Variants in KCND2 observed in about 807,000 individuals in gnomAD.
KCND2 encodes potassium voltage-gated channel subfamily D member 2, also known as A-type voltage-gated potassium channel KCND2.
In KCND2, 16 loss-of-function variants were observed where a neutral mutation model predicts 54.4. The observed-to-expected ratio is 0.29, with a 90% CI of 0.20 to 0.45. KCND2 has a LOEUF of 0.45. Ranked by LOEUF, KCND2 falls within the 20% of genes least tolerant of loss-of-function variation. The probability of loss-of-function intolerance (pLI) is 1.00; values close to 1 mark genes in which losing one functional copy is unlikely to be tolerated. For missense variants in KCND2, 486 were observed against 824.2 expected (o/e 0.59, Z 5.02); for synonymous variants, 317 against 310.7 (o/e 1.02, Z -0.21).
intron 1 of KCND2, among the ~76,000 whole-genome samples, chr7:120,370,279 A>C (rs1470316233): frequency 6.6e-6 from 1 of 152,006 alleles, no homozygotes; most frequent in African/African-American, 2.4e-5. Flanking sequence ...AGGAAATCAG[A>C]AAGGGACAGG....
intron 1 of KCND2, chr7:120,464,017 GTTTTT>G: frequency 1.3e-6 from 1 of 788,728 alleles, no homozygotes; most frequent in African/African-American, 1.9e-5. Context: ...TCTTAGTTTT[GTTTTT>G]TTTTTTTTTT....
At position 120,527,792 on chromosome 7, in the gene KCND2, T is replaced by C. The variant is rs557647369; in HGVS notation, c.1116-205111T>C. 3.3e-5 allele frequency among the ~76,000 whole-genome samples: 5 copies of C among 152,276 alleles called. No individual in the cohort carries two copies. The South Asian group carries it at 1.0e-3, about 32-fold the overall frequency. Reference sequence around the variant, plus strand: ...CCTCCTCACTCTTCCCAAATTCCTCTTCAATTCTATTTCCCTACATATAGG... The same window carrying C: ...CCTCCTCACTCTTCCCAAATTCCTCCTCAATTCTATTTCCCTACATATAGG... On this transcript the variant is annotated intron_variant, in intron 1 of 5. Transcript: ENST00000331113.
chr7:120,734,018 A>G (rs1448834447), intron 2 of KCND2, among the ~76,000 whole-genome samples: 1 of 152,140 alleles, frequency 6.6e-6, no homozygotes, highest in Non-Finnish European at 1.5e-5. Context: ...AGCAAAGAAC[A>G]ACTCATGAAT....
intron 1 of KCND2, among the ~76,000 whole-genome samples, chr7:120,472,757 A>G (rs1256208256): frequency 6.6e-6 from 1 of 152,198 alleles, no homozygotes; most frequent in Non-Finnish European, 1.5e-5. Context: ...AATGGTATGA[A>G]CAATGGCAGA....
At chr7:120,343,511 A>G (rs1432101222) in intron 1 of KCND2, among the ~76,000 whole-genome samples, 2 of 152,198 alleles carry the variant, frequency 1.3e-5, no homozygotes, top group Non-Finnish European at 2.9e-5. Context: ...AATCTGTAGT[A>G]TATTCCAACA....
intron 1 of KCND2, among the ~76,000 whole-genome samples, chr7:120,426,746 T>C (rs901051497): frequency 1.3e-5 from 2 of 151,872 alleles, no homozygotes; most frequent in Admixed American, 6.6e-5. Context: ...CTCAGCCTCC[T>C]GAGTAGCTGG....
At chr7:120,509,016 T>C (rs1386288869) in intron 1 of KCND2, among the ~76,000 whole-genome samples, 1 of 151,872 alleles carries the variant, frequency 6.6e-6, no homozygotes, top group African/African-American at 2.4e-5. Context: ...TATTTGTGAA[T>C]ATGCAAGTAA....
intron 1 of KCND2, among the ~76,000 whole-genome samples, chr7:120,686,115 C>G (rs1792198055): frequency 6.6e-6 from 1 of 152,138 alleles, no homozygotes. Flanking sequence ...GTGTTTCTGG[C>G]ACCCCACATA....
intron 1 of KCND2, among the ~76,000 whole-genome samples, chr7:120,496,994 A>T (rs558899045): frequency 6.6e-6 from 1 of 152,328 alleles, no homozygotes; most frequent in South Asian, 2.1e-4. Context: ...GATTATGATA[A>T]TGGCATTTGA....
intron 1 of KCND2, among the ~76,000 whole-genome samples, chr7:120,699,468 A>G (rs1276715191): frequency 6.6e-6 from 1 of 152,222 alleles, no homozygotes; most frequent in African/African-American, 2.4e-5. Context: ...ACAGTGACTA[A>G]CAGTGGAGTG....
At chr7:120,585,633 A>G (rs1218405698) in intron 1 of KCND2, among the ~76,000 whole-genome samples, 2 of 152,058 alleles carry the variant, frequency 1.3e-5, no homozygotes, top group Non-Finnish European at 2.9e-5. Context: ...AGTAGGAAAT[A>G]AGTAGAGGGC....
chr7:120,435,650 A>C (rs1259055040), intron 1 of KCND2, among the ~76,000 whole-genome samples: 2 of 152,160 alleles, frequency 1.3e-5, no homozygotes, highest in African/African-American at 4.8e-5. Flanking sequence ...CTTAGATTTT[A>C]CATTAACAGT....
chr7:120,406,851 T>G (rs1801368326), intron 1 of KCND2, among the ~76,000 whole-genome samples: 2 of 151,406 alleles, frequency 1.3e-5, no homozygotes, highest in Non-Finnish European at 2.9e-5. Flanking sequence ...CTGTATAGAG[T>G]AGAAAAACTA....
chr7:120,459,858 C>G (rs1055923666), intron 1 of KCND2, among the ~76,000 whole-genome samples: 1 of 152,130 alleles, frequency 6.6e-6, no homozygotes, highest in African/African-American at 2.4e-5. Flanking sequence ...GTCCAGGAAT[C>G]CTTCTTCTTC....
chr7:120,536,307 T>C (rs1791906252), intron 1 of KCND2, among the ~76,000 whole-genome samples: 1 of 152,146 alleles, frequency 6.6e-6, no homozygotes, highest in South Asian at 2.1e-4. Flanking sequence ...CTTAATCTTT[T>C]TACTGGTGGA....
intron 1 of KCND2, among the ~76,000 whole-genome samples, chr7:120,313,399 A>G (rs1027609433): frequency 2.0e-5 from 3 of 152,200 alleles, no homozygotes; most frequent in African/African-American, 7.2e-5. Context: ...TATAAAGGTA[A>G]AGACATTTTG....
Position 120,563,161 on chromosome 7 carries a change from A to C in KCND2, c.1116-169742A>C, listed in dbSNP as rs577817736. 2.0e-5 allele frequency among the ~76,000 whole-genome samples: 3 copies of C among 152,318 alleles called. No homozygotes were observed. In the South Asian group the frequency reaches 6.2e-4, roughly 32 times the overall value. On this transcript the variant is annotated intron_variant, in intron 1 of 5. Transcript: ENST00000331113. ...AAAATAGGATTCTGACACATCTATA[A>C]GAGAAAAGCTTGATCACCATTAGAC...
chr7:120,469,266 T>C (rs1201580692), intron 1 of KCND2, among the ~76,000 whole-genome samples: 1 of 152,170 alleles, frequency 6.6e-6, no homozygotes, highest in Non-Finnish European at 1.5e-5. Flanking sequence ...GGTTTAGTTA[T>C]TAGCTGAATA....
At chr7:120,357,373 G>A (rs1484863815) in intron 1 of KCND2, among the ~76,000 whole-genome samples, 3 of 151,948 alleles carry the variant, frequency 2.0e-5, no homozygotes, top group Non-Finnish European at 4.4e-5. Context: ...TGCTTTTCCT[G>A]TTTTATACTG....
Sources: gnomAD v4.1 joint callset for allele counts (sites outside exome capture counted in the v4.1 genomes callset) on GRCh38, gnomAD v4.1.1 for gene constraint, MANE v1.5 for transcripts, NCBI Gene and HGNC (gene_info 2026-07-23, HGNC 2026-07-21) for gene names.